RHOT1: variants seen among roughly 807,000 people sequenced by gnomAD.
RHOT1 encodes the protein mitochondrial Rho GTPase 1.
Under a neutral mutation model 95.3 loss-of-function variants are expected in RHOT1, and 27 were observed. The observed-to-expected ratio is 0.28, with a 90% CI of 0.21 to 0.39. The LOEUF is 0.39. Ranked by LOEUF, RHOT1 falls within the 10% of genes least tolerant of loss-of-function variation. The pLI is 1.00. For missense variants in RHOT1, 578 were observed against 786.7 expected, an observed-to-expected ratio of 0.73 and a Z score of 3.17; for synonymous variants, 227 against 263.5, an observed-to-expected ratio of 0.86 and a Z score of 1.34.
chr17:32,195,802 T>C (rs1432165063), intron 11 of RHOT1, among the ~76,000 whole-genome samples: 1 of 152,222 alleles, frequency 6.6e-6, no homozygotes, highest in Non-Finnish European at 1.5e-5. Flanking sequence ...CAAGTTAATT[T>C]CCTAGATTTT....
At chr17:32,178,610 A>G (rs944824945) in intron 6 of RHOT1, among the ~76,000 whole-genome samples, 1 of 151,424 alleles carries the variant, frequency 6.6e-6, no homozygotes, top group African/African-American at 2.4e-5. Context: ...CCCGCCCGCC[A>G]CCCCGTCTAG....
At chr17:32,165,134 G>A (rs1598325744) in intron 1 of RHOT1, among the ~76,000 whole-genome samples, 4 of 151,952 alleles carry the variant, frequency 2.6e-5, no homozygotes, top group East Asian at 1.9e-4. Flanking sequence ...AGGTCAGATC[G>A]AGACCATCCT....
At chr17:32,155,212 T>G (rs2032823932) in intron 1 of RHOT1, among the ~76,000 whole-genome samples, 2 of 151,996 alleles carry the variant, frequency 1.3e-5, no homozygotes, top group African/African-American at 4.8e-5. Flanking sequence ...CTGGATGGAG[T>G]GCAGTGGCGC....
intron 6 of RHOT1, among the ~76,000 whole-genome samples, chr17:32,180,864 T>C (rs967682447): frequency 1.3e-5 from 2 of 152,182 alleles, no homozygotes; most frequent in African/African-American, 2.4e-5. Context: ...TAAAAAACTT[T>C]TGTAGAAACA....
At chr17:32,201,172 A>C in intron 14 of RHOT1, 116 bp downstream of exon 14, 1 of 563,564 alleles carries the variant, frequency 1.8e-6, no homozygotes, top group East Asian at 3.3e-5. Flanking sequence ...TCTACACTCT[A>C]TTAGTTTTCC....
intron 19 of RHOT1, among the ~76,000 whole-genome samples, chr17:32,221,567 A>T (rs1202868423): frequency 1.3e-5 from 2 of 152,176 alleles, no homozygotes; most frequent in African/African-American, 4.8e-5. Context: ...TCTTTTATAA[A>T]TAGAGCCTGG....
At chr17:32,145,710 T>C (rs1207288975) in intron 1 of RHOT1, among the ~76,000 whole-genome samples, 9 of 152,180 alleles carry the variant, frequency 5.9e-5, no homozygotes, top group Admixed American at 5.9e-4. Context: ...GATTCTGCTA[T>C]GCACCTTAAA....
At chr17:32,205,844 C>T (rs945743672) in intron 16 of RHOT1, among the ~76,000 whole-genome samples, 2 of 152,154 alleles carry the variant, frequency 1.3e-5, no homozygotes, top group African/African-American at 4.8e-5. Context: ...CAGTGCCCAC[C>T]CCTGAATTTT....
At chr17:32,162,291 G>C (rs1357114569) in intron 1 of RHOT1, among the ~76,000 whole-genome samples, 1 of 152,144 alleles carries the variant, frequency 6.6e-6, no homozygotes, top group Admixed American at 6.6e-5. Context: ...CATAATAAAA[G>C]ACACTCCTAT....
intron 1 of RHOT1, among the ~76,000 whole-genome samples, chr17:32,149,403 A>G (rs1456436882): frequency 6.6e-6 from 1 of 150,684 alleles, no homozygotes; most frequent in Non-Finnish European, 1.5e-5. Flanking sequence ...TTAAAAATAT[A>G]TAGTGTTTAT....
At chr17:32,207,093 T>C in intron 17 of RHOT1, 64 bp downstream of exon 17, 5 of 1,490,464 alleles carry the variant, frequency 3.4e-6, no homozygotes, top group Non-Finnish European at 4.5e-6. Context: ...GGAATTGCAG[T>C]GTGGTGTTTC....
At chr17:32,203,038 G>C in intron 15 of RHOT1, 138 bp downstream of exon 15, 1 of 779,646 alleles carries the variant, frequency 1.3e-6, no homozygotes, top group Non-Finnish European at 2.1e-6. Flanking sequence ...CAGTCTAAAT[G>C]TAACAGTAAT....
intron 18 of RHOT1, chr17:32,209,419 A>G (rs201844588): frequency 1.2e-6 from 2 of 1,610,924 alleles, no homozygotes; most frequent in Non-Finnish European, 1.7e-6. Flanking sequence ...ATTTGAGAAA[A>G]ATCTGGGTCT....
At chr17:32,208,358 C>CATGCCATT in intron 18 of RHOT1, 49 bp downstream of exon 18, 1 of 1,494,152 alleles carries the variant, frequency 6.7e-7, no homozygotes. Flanking sequence ...CATAACATTG[C>CATGCCATT]ATGCCATTAT....
chr17:32,161,326 G>A (rs2033533557), intron 1 of RHOT1, among the ~76,000 whole-genome samples: 1 of 152,186 alleles, frequency 6.6e-6, no homozygotes, highest in African/African-American at 2.4e-5. Flanking sequence ...CAAGTTGTGG[G>A]TTCCGGTAGA....
chr17:32,208,003 C>G (rs2142892221), intron 17 of RHOT1, 104 bp from the exon 18 acceptor site: 1 of 987,912 alleles, frequency 1.0e-6, no homozygotes, highest in Admixed American at 2.2e-5. Flanking sequence ...CGCTTTGAAA[C>G]TACTGTTGCT....
At chr17:32,204,925 G>C (rs1490787536) in intron 16 of RHOT1, among the ~76,000 whole-genome samples, 1 of 151,454 alleles carries the variant, frequency 6.6e-6, no homozygotes, top group Non-Finnish European at 1.5e-5. Context: ...GGAGGTTGTA[G>C]TGAGCCAAGA....
intron 18 of RHOT1, among the ~76,000 whole-genome samples, chr17:32,210,286 A>G (rs1174564950): frequency 2.6e-5 from 4 of 152,178 alleles, no homozygotes; most frequent in Non-Finnish European, 4.4e-5. Flanking sequence ...CTGAACAGTC[A>G]TTGGAGACCC....
At chr17:32,183,129 C>A in intron 7 of RHOT1, 42 bp from the exon 8 acceptor site, 2 of 1,439,370 alleles carry the variant, frequency 1.4e-6, no homozygotes, top group Non-Finnish European at 9.5e-7. Context: ...TTGTTTTTAG[C>A]TCTCATAATT....
Sources: allele counts gnomAD v4.1 joint callset (sites outside exome capture counted in the v4.1 genomes callset), GRCh38; gene constraint gnomAD v4.1.1; transcripts MANE v1.5; gene names NCBI Gene and HGNC (gene_info 2026-07-23, HGNC 2026-07-21).